USP39: variants seen among roughly 807,000 people sequenced by gnomAD.
USP39 encodes the protein ubiquitin carboxyl-terminal hydrolase 39.
A neutral mutation model predicts 66.4 loss-of-function variants in USP39; 38 were observed. That is an observed-to-expected ratio of 0.57 (90% CI 0.44 to 0.75). The LOEUF (loss-of-function observed/expected upper bound fraction) is 0.75, where lower values mean the gene tolerates loss of function less well. Among genes scored for constraint, USP39 ranks in the 30% least tolerant of loss-of-function variants. The probability of loss-of-function intolerance (pLI) is 0.00; values close to 1 mark genes in which losing one functional copy is unlikely to be tolerated. For synonymous variants in USP39, 303 were observed against 274.6 expected (o/e 1.10, Z -1.02); for missense variants, 608 against 714.4 (o/e 0.85, Z 1.70).
intron 2 of USP39, 144 bp from the exon 3 acceptor site, chr2:85,621,341 G>A (rs991552862): frequency 4.7e-6 from 3 of 638,094 alleles, no homozygotes; most frequent in Non-Finnish European, 8.2e-6. Flanking sequence ...GGAATAATCA[G>A]TGTCCCCCAT....
intron 4 of USP39, among the ~76,000 whole-genome samples, chr2:85,624,353 G>T (rs1160009294): frequency 2.7e-5 from 4 of 148,178 alleles, no homozygotes; most frequent in Non-Finnish European, 4.5e-5. Context: ...CTTGTTTTTG[G>T]TTTTTTTTTT....
At chr2:85,608,906 T>A (rs1673322768), upstream of USP39, 5 of 1,607,368 alleles carry the variant, frequency 3.1e-6, no homozygotes, top group Non-Finnish European at 4.3e-6. Context: ...TTCTTCCGAG[T>A]GCAGTGAATC....
In USP39 at chr2:85,639,381, T is replaced by A; in HGVS notation, c.1274T>A (p.Ile425Asn). The A allele has an allele frequency of 6.2e-7, 1 of 1,613,420 alleles. No individual in the cohort carries two copies. Among genetic ancestry groups the A allele is most frequent in the Non-Finnish European group, 8.5e-7 (1 of 1,179,848 alleles). Residue 425 changes from isoleucine to asparagine, a missense_variant, in exon 9 of 13, where the codon ATC becomes AAC. By Grantham distance (149) the Ile-to-Asn change is moderately radical. Around this residue, in one of 6 missense-constraint regions of USP39, gnomAD observed 164 missense variants for 250.3 expected, o/e 0.66. Transcript: ENST00000323701. The part of the protein sequence containing the change: ...LFNILAKFNG[I>N]TEKEYKTYKE... ...AACATCCTGGCTAAGTTCAATGGCA[T>A]CACTGAGAAGGTAGCCCATTAACAC...
At chr2:85,638,235 T>C (rs1675935024) in intron 8 of USP39, among the ~76,000 whole-genome samples, 1 of 151,920 alleles carries the variant, frequency 6.6e-6, no homozygotes, top group Non-Finnish European at 1.5e-5. Flanking sequence ...TTGGTCAGGA[T>C]GGTCTCAAAC....
Position 85,619,202 on chromosome 2 carries a change from T to C in USP39, c.269-18T>C, listed in dbSNP as rs1244771957. 1 of 1,613,730 alleles carries C rather than the reference T, an allele frequency of 6.2e-7. No homozygotes were observed. On this transcript the variant is annotated intron_variant, in intron 1 of 12. Transcript: ENST00000323701. Reference sequence around the variant, plus strand: ...ATAGGTTTCCCATTTTCAAAGCCTGTGATGATTTTCCTTTCAGCAAAGAAT... The same window carrying C: ...ATAGGTTTCCCATTTTCAAAGCCTGCGATGATTTTCCTTTCAGCAAAGAAT...
rs903351810 is a variant in USP39 at position 85,649,223 on chromosome 2, T to C, written c.*415T>C. ...TTAGAGGTGGAGGATTTTCCTATGG[T>C]TCCCCCCATTTCCTGATTTGTATTT... On this transcript the variant is annotated 3_prime_UTR_variant, in exon 13 of 13. Transcript: ENST00000323701. The C allele has an allele frequency of 1.2e-5, 2 of 162,424 alleles. No homozygotes were observed. Among genetic ancestry groups the C allele is most frequent in the African/African-American group, 4.8e-5 (2 of 41,704 alleles). 10.1% of individuals were successfully genotyped at this position (162,424 alleles called of 1,614,324 possible). A position where few individuals can be genotyped will look rare whatever the true frequency, so the allele number is the denominator to read the frequency against.
chr2:85,636,418 A>C (rs1675778996), intron 7 of USP39, among the ~76,000 whole-genome samples: 1 of 152,204 alleles, frequency 6.6e-6, no homozygotes, highest in Non-Finnish European at 1.5e-5. Flanking sequence ...GTAGGCTAGT[A>C]TCTATGTTAT....
In USP39 at chr2:85,648,768, A is replaced by G; in HGVS notation, c.1658A>G (p.Lys553Arg). 1.2e-6 allele frequency: 2 copies of G among 1,614,108 alleles called. No homozygotes were observed. The highest frequency in any genetic ancestry group is 8.5e-7 in the Non-Finnish European group (1 of 1,179,974). The change falls in exon 13 of 13, where the codon AAG becomes AGG. Residue 553 changes from lysine (K) to arginine (R), a missense_variant. Physicochemically the swap from Lys to Arg is conservative, Grantham distance 26. This residue lies in a region of USP39 where 164 missense variants were observed against 250.3 expected (regional missense o/e 0.66). Coordinates refer to ENST00000323701, the MANE Select transcript of USP39 (RefSeq NM_006590.4). ...TLSEAYIQIW[K>R]RRDNDETNQQ... Reference sequence around the variant, plus strand: ...TGTTTTCATTTCTTACAGATTTGGAAGAGGCGAGATAATGATGAAACCAAC... The same window carrying G: ...TGTTTTCATTTCTTACAGATTTGGAGGAGGCGAGATAATGATGAAACCAAC...
At chr2:85,612,057 G>A (rs1033270316), upstream of USP39, 48 of 1,173,650 alleles carry the variant, frequency 4.1e-5, no homozygotes, top group Middle Eastern at 2.8e-4. Flanking sequence ...AGAGCTCCGC[G>A]CCGCCCCTTG....
chr2:85,629,306 C>T (rs554928840), intron 5 of USP39, among the ~76,000 whole-genome samples: 1 of 151,898 alleles, frequency 6.6e-6, no homozygotes, highest in South Asian at 2.1e-4. Context: ...AGTGATCCGC[C>T]CACCTTGGCC....
chr2:85,611,182 T>G, upstream of USP39: 1 of 1,043,740 alleles, frequency 9.6e-7, no homozygotes, highest in Non-Finnish European at 1.2e-6. Flanking sequence ...CACTCCAGCC[T>G]GGGCGACAGA....
chr2:85,618,593 C>T (rs924858924), intron 1 of USP39, among the ~76,000 whole-genome samples: 1 of 150,328 alleles, frequency 6.7e-6, no homozygotes, highest in African/African-American at 2.4e-5. Context: ...AAACGAAACA[C>T]ACAACTATAT....
chr2:85,639,281 A>G lies in USP39; in HGVS notation c.1174A>G (p.Thr392Ala), dbSNP rs200865646. 1.2e-6 allele frequency: 2 copies of G among 1,613,816 alleles called. No homozygotes were observed. The highest frequency in any genetic ancestry group is 1.7e-6 in the Non-Finnish European group (2 of 1,179,996). ...TMVESTFMYL[T>A]LDLPTAPLYK... ...GGTGGAGTCCACTTTTATGTACCTG[A>G]CGCTGGACCTTCCTACTGCCCCCCT... Residue 392 changes from threonine to alanine, a missense_variant, in exon 9 of 13, where the codon ACG becomes GCG. Transcript: ENST00000323701.
chr2:85,611,347 G>C (rs1430811740), upstream of USP39: 1 of 1,438,772 alleles, frequency 7.0e-7, no homozygotes, highest in East Asian at 2.5e-5. Context: ...TGTGCTGGTC[G>C]CTCATCGCTG....
At chr2:85,611,480 C>T (rs376007993), upstream of USP39, 9 of 1,549,586 alleles carry the variant, frequency 5.8e-6, no homozygotes, top group Non-Finnish European at 7.9e-6. Context: ...TAACTGGGGG[C>T]TTATGAGTCG....
intron 6 of USP39, among the ~76,000 whole-genome samples, chr2:85,632,840 T>TG (rs1181711654): frequency 1.5e-4 from 23 of 151,924 alleles, no homozygotes; most frequent in Admixed American, 9.2e-4. Flanking sequence ...GCTGAACATG[T>TG]GGGAGGTAGA....
upstream of USP39, chr2:85,612,261 G>A: frequency 6.9e-7 from 1 of 1,444,422 alleles, no homozygotes; most frequent in Non-Finnish European, 9.3e-7. Flanking sequence ...TAGGAAACAA[G>A]GACTTCGGCT....
upstream of USP39, among the ~76,000 whole-genome samples, chr2:85,612,822 G>A (rs1325423832): frequency 6.6e-6 from 1 of 151,890 alleles, no homozygotes; most frequent in East Asian, 1.9e-4. Context: ...CACCACGCCC[G>A]GCTAAGTTTT....
upstream of USP39, chr2:85,612,227 G>T (rs1410018603): frequency 3.7e-5 from 47 of 1,274,028 alleles, no homozygotes; most frequent in Middle Eastern, 1.9e-4. Flanking sequence ...GTTTTTTTTT[G>T]TTTGTTTTTT....
Sources: gnomAD v4.1 joint callset for allele counts (sites outside exome capture counted in the v4.1 genomes callset) on GRCh38, gnomAD v4.1.1 for gene constraint, gnomAD v4.1.1 regional missense constraint, MANE v1.5 for transcripts, NCBI Gene and HGNC (gene_info 2026-07-23, HGNC 2026-07-21) for gene names.